Variants in TRIM24 observed in about 807,000 individuals in gnomAD.
TRIM24 encodes tripartite motif containing 24, also known as transcription intermediary factor 1-alpha.
In TRIM24, 29 loss-of-function variants were observed where a neutral mutation model predicts 123.9. The ratio of observed to expected loss-of-function variants is 0.23; its 90% CI spans 0.17 to 0.32. The LOEUF (loss-of-function observed/expected upper bound fraction) is 0.32, where lower values mean the gene tolerates loss of function less well. Among genes scored for constraint, TRIM24 ranks in the 10% least tolerant of loss-of-function variants. The pLI is 1.00. For synonymous variants in TRIM24, 456 were observed against 461.1 expected (o/e 0.99, Z 0.14); for missense variants, 932 against 1,295.3 (o/e 0.72, Z 4.31).
At chr7:138,503,290 T>A (rs1328878345) in intron 1 of TRIM24, among the ~76,000 whole-genome samples, 4 of 152,204 alleles carry the variant, frequency 2.6e-5, no homozygotes, top group Non-Finnish European at 4.4e-5. Context: ...AATCTATAGA[T>A]ATGTTTGTGG....
chr7:138,551,319 C>T, intron 8 of TRIM24, 139 bp downstream of exon 8: 1 of 755,402 alleles, frequency 1.3e-6, no homozygotes, highest in Non-Finnish European at 2.3e-6. Flanking sequence ...TGGGATCTCT[C>T]AAGGATCACT....
intron 14 of TRIM24, among the ~76,000 whole-genome samples, chr7:138,577,873 TTAAC>T (rs1797795422): frequency 6.6e-6 from 1 of 152,178 alleles, no homozygotes; most frequent in Non-Finnish European, 1.5e-5. Context: ...GACTTGAAGA[TTAAC>T]TAAACATTTT....
intron 9 of TRIM24, among the ~76,000 whole-genome samples, chr7:138,558,527 G>A (rs938931255): frequency 6.6e-6 from 1 of 152,174 alleles, no homozygotes; most frequent in Non-Finnish European, 1.5e-5. Flanking sequence ...AGCATGAGGA[G>A]ACATGTAGGC....
intron 6 of TRIM24, among the ~76,000 whole-genome samples, chr7:138,533,502 T>A (rs1416179222): frequency 6.6e-6 from 1 of 152,258 alleles, no homozygotes; most frequent in Non-Finnish European, 1.5e-5. Flanking sequence ...GTTCTGTTTA[T>A]ATGCTGGATT....
intron 7 of TRIM24, among the ~76,000 whole-genome samples, chr7:138,542,316 T>TA (rs1797020915): frequency 1.3e-5 from 2 of 152,162 alleles, no homozygotes; most frequent in African/African-American, 4.8e-5. Flanking sequence ...CTTGAACACT[T>TA]AGAGACTATT....
rs1211656309 is a variant in TRIM24, at chr7:138,524,326, C to A, written c.765-915C>A. The stretch of plus-strand genomic sequence containing the variant: ...AGATTAGGAACAACATAAGGGTGAC[C>A]ATTTTGACCATTTCATGTAACCTTA... On this transcript the variant is annotated intron_variant, in intron 4 of 18. Transcript: ENST00000343526. 2.6e-5 allele frequency among the ~76,000 whole-genome samples: 4 copies of A among 152,054 alleles called. No homozygotes were observed. In the East Asian group the frequency reaches 7.7e-4, roughly 29 times the overall value.
rs371255808 is a variant in TRIM24 at position 138,579,395 on chromosome 7, A to G, written c.2448A>G (p.Gly816=). ...CCCAGAAGTCACCTCTTCATGTTGG[A>G]GAGACAAGGAAAGAGGATGACCCCA... ...DPSQKSPLHV[G]ETRKEDDPNE... Residue 816 remains glycine (G), a synonymous_variant, in exon 15 of 19, where the codon GGA becomes GGG. Coordinates refer to ENST00000343526, the MANE Select transcript of TRIM24 (RefSeq NM_015905.3). 3.8e-5 allele frequency: 61 copies of G among 1,614,028 alleles called. No individual in the cohort carries two copies. Among genetic ancestry groups the G allele is most frequent in the East Asian group, 2.2e-5 (1 of 44,876 alleles).
At chr7:138,544,535 A>T (rs1797064135) in intron 7 of TRIM24, among the ~76,000 whole-genome samples, 1 of 152,156 alleles carries the variant, frequency 6.6e-6, no homozygotes, top group Non-Finnish European at 1.5e-5. Context: ...TACCCAGCAG[A>T]GGGATTGCTG....
Position 138,584,792 on chromosome 7 carries a change from A to G in TRIM24, c.2994A>G (p.Glu998=), listed in dbSNP as rs1227907349. The G allele has an allele frequency of 6.2e-7, 1 of 1,612,602 alleles. No homozygotes were observed. Among genetic ancestry groups the G allele is most frequent in the Non-Finnish European group, 8.5e-7 (1 of 1,179,638 alleles). The part of the protein sequence containing the change: ...NAGIKLENYF[E]ELLKNLYPEK... The stretch of plus-strand genomic sequence containing the variant: ...GTATAAAACTTGAAAATTATTTTGA[A>G]GAACTTCTAAAGAACCTCTATCCAG... The change falls in exon 19 of 19, where the codon GAA becomes GAG. Residue 998 remains glutamate (E), a synonymous_variant. Coordinates refer to ENST00000343526, the MANE Select transcript of TRIM24 (RefSeq NM_015905.3).
rs1033273417 is a variant in TRIM24, at chr7:138,559,600, G to A, written c.1530+4634G>A. On this transcript the variant is annotated intron_variant, in intron 9 of 18. Coordinates refer to ENST00000343526, the MANE Select transcript of TRIM24 (RefSeq NM_015905.3). ...GCTGTTGTCTCCTCAAGCTTCAGCC[G>A]TGCATAGACTGGTCAGCTTCCAGGG... Among the ~76,000 whole-genome samples, 6 of 152,150 alleles carry A rather than the reference G, an allele frequency of 3.9e-5. 1 individual carries two copies. The South Asian group carries it at 6.2e-4, about 16-fold the overall frequency.
In TRIM24 at chr7:138,536,711, G is replaced by A. The variant is rs185855017; in HGVS notation, c.997-1946G>A. 4.4e-3 allele frequency among the ~76,000 whole-genome samples: 666 copies of A among 152,316 alleles called. 6 individuals carry two copies. Among genetic ancestry groups the A allele is most frequent in the African/African-American group, 0.016 (649 of 41,564 alleles). On this transcript the variant is annotated intron_variant, in intron 6 of 18. Coordinates refer to ENST00000343526, the MANE Select transcript of TRIM24 (RefSeq NM_015905.3). ...TGTCCGTTCTGAGATCTCAAACTCC[G>A]TGCTAGGAGAACCACTACTCTCTTC...
rs1376315323 is a variant in TRIM24 at position 138,585,117 on chromosome 7, C to CCA, written c.*166_*167insCA. On this transcript the variant is annotated 3_prime_UTR_variant, in exon 19 of 19. Transcript: ENST00000343526. ...TCCTTAATAGCCCATTTCTGTTAAC[C>CCA]TCTTATCACTAAGAAAGAAAGGAAA... The CCA allele has an allele frequency of 2.2e-6, 1 of 458,388 alleles. No individual in the cohort carries two copies. Among genetic ancestry groups the CCA allele is most frequent in the Non-Finnish European group, 3.7e-6 (1 of 267,038 alleles). 28.4% of individuals were successfully genotyped at this position (458,388 alleles called of 1,614,324 possible).
intron 6 of TRIM24, among the ~76,000 whole-genome samples, chr7:138,537,637 T>A (rs1163868604): frequency 6.6e-6 from 1 of 152,074 alleles, no homozygotes; most frequent in Non-Finnish European, 1.5e-5. Flanking sequence ...AATAAATTTT[T>A]ACAGAGGTCA....
At chr7:138,461,092 C>T (rs1322573262) in intron 1 of TRIM24, 180 bp downstream of exon 1, 2 of 761,540 alleles carry the variant, frequency 2.6e-6, no homozygotes, top group Non-Finnish European at 4.5e-6. Context: ...TGCGGCGTGT[C>T]GCGCTCGGCC....
chr7:138,538,437 C>G (rs1331072870), intron 6 of TRIM24, among the ~76,000 whole-genome samples: 2 of 152,090 alleles, frequency 1.3e-5, no homozygotes, highest in Non-Finnish European at 2.9e-5. Flanking sequence ...ATATGTAAAA[C>G]CTGATCCAGG....
intron 8 of TRIM24, among the ~76,000 whole-genome samples, chr7:138,552,664 C>T (rs1482469212): frequency 2.6e-5 from 4 of 152,030 alleles, no homozygotes; most frequent in African/African-American, 9.7e-5. Context: ...AGAAAGAGCC[C>T]ATACTCACCA....
chr7:138,576,205 G>A (rs1007439135), intron 12 of TRIM24, among the ~76,000 whole-genome samples, 168 bp from the exon 13 acceptor site: 17 of 152,104 alleles, frequency 1.1e-4, no homozygotes, highest in African/African-American at 3.6e-4. Flanking sequence ...AAACCCTGCC[G>A]GTGTAACAGG....
Position 138,571,042 on chromosome 7 carries a change from A to G in TRIM24, c.1878+39A>G, listed in dbSNP as rs980604145. ...AAATTTATACTAGCCTCTGTTGAAA[A>G]CTGTTGGCCGGGTGCAGTGGCTCAC... On this transcript the variant is annotated intron_variant, in intron 11 of 18. Coordinates refer to ENST00000343526, the MANE Select transcript of TRIM24 (RefSeq NM_015905.3). 5.0e-6 allele frequency: 8 copies of G among 1,605,506 alleles called. No homozygotes were observed. The African/African-American group carries it at 5.4e-5, about 11-fold the overall frequency.
At chr7:138,524,017 T>A (rs1796559652) in intron 4 of TRIM24, among the ~76,000 whole-genome samples, 1 of 151,942 alleles carries the variant, frequency 6.6e-6, no homozygotes, top group Non-Finnish European at 1.5e-5. Flanking sequence ...TTTGGGACAG[T>A]GTAATCACAA....
Sources: allele counts gnomAD v4.1 joint callset (sites outside exome capture counted in the v4.1 genomes callset), GRCh38; gene constraint gnomAD v4.1.1; transcripts MANE v1.5; gene names NCBI Gene and HGNC (gene_info 2026-07-23, HGNC 2026-07-21).